Variants in SHANK2 observed in about 807,000 individuals in gnomAD.
SHANK2 encodes the protein SH3 and multiple ankyrin repeat domains protein 2.
SHANK2 carries 43 observed loss-of-function variants against 133.7 expected under a neutral mutation model. The observed-to-expected ratio is 0.32, with a 90% CI of 0.25 to 0.41. SHANK2 has a LOEUF of 0.41. Ranked by LOEUF, SHANK2 falls within the 10% of genes least tolerant of loss-of-function variation. The pLI, the probability that SHANK2 is intolerant of heterozygous loss-of-function variation, is 1.00. For synonymous variants in SHANK2, 1,017 were observed against 952.8 expected, an observed-to-expected ratio of 1.07 and a Z score of -1.24; for missense variants, 1,994 against 2,235.8, an observed-to-expected ratio of 0.89 and a Z score of 2.18.
rs2058627712 is a variant in SHANK2 at position 70,473,754 on chromosome 11, G to C, written c.4980-315C>G. On this transcript the variant is annotated intron_variant, in intron 25 of 25. Transcript: ENST00000601538. This position sits in a 1 kb window ranked among gnomAD's most constrained non-coding sequence, Gnocchi z 5.9. ...CACTCACCTGAACTGGGACAGAGGG[G>C]CTGGGGGACCTGCCTGTGCTGGGGG... is the stretch of plus-strand genomic sequence containing the variant. 3 of 436,052 alleles carry C rather than the reference G, an allele frequency of 6.9e-6. No homozygotes were observed. The highest frequency in any genetic ancestry group is 4.2e-5 in the South Asian group (2 of 47,192). 27.0% of individuals were successfully genotyped at this position (436,052 alleles called of 1,614,324 possible).
intron 17 of SHANK2, among the ~76,000 whole-genome samples, chr11:70,583,669 G>A (rs2060212113): frequency 6.6e-6 from 1 of 152,164 alleles, no homozygotes; most frequent in Non-Finnish European, 1.5e-5. Context: ...AGTGGCTCAG[G>A]ATAAAATCTG....
At chr11:70,944,037 T>A in intron 10 of SHANK2, 1 of 450,930 alleles carries the variant, frequency 2.2e-6, no homozygotes, top group Admixed American at 2.4e-5. Context: ...GGTTCCTGTG[T>A]TTATGCTATT....
chr11:71,209,396 G>A (rs58035218), intron 2 of SHANK2, among the ~76,000 whole-genome samples: 34,842 of 152,172 alleles, frequency 0.23, 4,575 homozygotes, highest in East Asian at 0.42. Flanking sequence ...GGCTGACCCA[G>A]GAGGGAGCTT....
chr11:70,528,655 G>T (rs2059429299), intron 17 of SHANK2, among the ~76,000 whole-genome samples: 1 of 152,080 alleles, frequency 6.6e-6, no homozygotes, highest in South Asian at 2.1e-4. Flanking sequence ...GCAGAAGGGG[G>T]TCTCTCCTGG....
intron 9 of SHANK2, among the ~76,000 whole-genome samples, chr11:71,069,431 C>G (rs1951113676): frequency 6.6e-6 from 1 of 152,048 alleles, no homozygotes; most frequent in Non-Finnish European, 1.5e-5. Context: ...CCTTCATCAT[C>G]ACCACCATCA....
chr11:71,085,274 T>C (rs1303942230), intron 8 of SHANK2, among the ~76,000 whole-genome samples: 1 of 151,396 alleles, frequency 6.6e-6, no homozygotes, highest in Non-Finnish European at 1.5e-5. Flanking sequence ...CTAGCCAACA[T>C]GTTGAAACCC....
In SHANK2 at chr11:70,711,425, C is replaced by T. The variant is rs1555026092; in HGVS notation, c.1778-12662G>A. On this transcript the variant is annotated intron_variant, in intron 14 of 25. Coordinates refer to ENST00000601538, the MANE Select transcript of SHANK2 (RefSeq NM_012309.5). Reference sequence around the variant, plus strand: ...TGCTGAGCCAAAAGCGGGATCAGAACCACAAGGAGGAAGAAATTACTGATG... The same window carrying T: ...TGCTGAGCCAAAAGCGGGATCAGAATCACAAGGAGGAAGAAATTACTGATG... 1.3e-5 allele frequency among the ~76,000 whole-genome samples: 2 copies of T among 152,232 alleles called. 1 individual carries two copies. The highest frequency in any genetic ancestry group is 2.9e-5 in the Non-Finnish European group (2 of 68,046).
intron 3 of SHANK2, among the ~76,000 whole-genome samples, chr11:71,134,054 CT>C (rs1952387908): frequency 6.6e-6 from 1 of 151,428 alleles, no homozygotes; most frequent in Non-Finnish European, 1.5e-5. Context: ...GATAAAAGAG[CT>C]TTTACCTTTC....
chr11:70,670,329 G>A (rs371341317), intron 15 of SHANK2, among the ~76,000 whole-genome samples: 1 of 152,216 alleles, frequency 6.6e-6, no homozygotes, highest in African/African-American at 2.4e-5. Flanking sequence ...AGAAATTTCC[G>A]GGCTCTGCCA....
chr11:70,770,449 C>T (rs1441088668), intron 14 of SHANK2, among the ~76,000 whole-genome samples: 2 of 152,238 alleles, frequency 1.3e-5, no homozygotes, highest in Non-Finnish European at 2.9e-5. Context: ...TGTGTTAACA[C>T]TGAGGCCCCC....
chr11:70,901,481 G>A (rs1335295569), intron 10 of SHANK2, among the ~76,000 whole-genome samples: 3 of 152,170 alleles, frequency 2.0e-5, no homozygotes, highest in Non-Finnish European at 2.9e-5. Context: ...GAGCCCTAGA[G>A]GCCTGGAGGG....
At chr11:70,950,414 C>T (rs936757405) in intron 10 of SHANK2, among the ~76,000 whole-genome samples, 14 of 152,290 alleles carry the variant, frequency 9.2e-5, no homozygotes, top group African/African-American at 3.4e-4. Flanking sequence ...TGGTCTCGAA[C>T]TCCTGACCTC....
At chr11:70,583,436 T>G (rs1591610199) in intron 17 of SHANK2, among the ~76,000 whole-genome samples, 1 of 151,670 alleles carries the variant, frequency 6.6e-6, no homozygotes, top group Non-Finnish European at 1.5e-5. Context: ...GCAGAGGGAG[T>G]CCAGTCCTGC....
chr11:71,104,060 G>A (rs1480712128), intron 6 of SHANK2, among the ~76,000 whole-genome samples: 1 of 151,880 alleles, frequency 6.6e-6, no homozygotes, highest in Non-Finnish European at 1.5e-5. Flanking sequence ...GCAGAACCTA[G>A]AGCCAATTAA....
intron 8 of SHANK2, among the ~76,000 whole-genome samples, chr11:71,083,494 C>G (rs1951328754): frequency 6.6e-6 from 1 of 152,174 alleles, no homozygotes; most frequent in African/African-American, 2.4e-5. Flanking sequence ...GGGGCACTTG[C>G]TCAGGTGAGC....
intron 17 of SHANK2, among the ~76,000 whole-genome samples, chr11:70,506,852 G>T (rs1554968498): frequency 6.6e-6 from 1 of 152,176 alleles, no homozygotes; most frequent in Non-Finnish European, 1.5e-5. Context: ...TAAACAGCAT[G>T]GCTTCCTGCC....
intron 17 of SHANK2, among the ~76,000 whole-genome samples, chr11:70,627,142 T>C (rs1283195495): frequency 1.3e-5 from 2 of 152,196 alleles, no homozygotes; most frequent in African/African-American, 4.8e-5. Context: ...TTTTGAGGTT[T>C]GTGATATTAG....
intron 11 of SHANK2, among the ~76,000 whole-genome samples, chr11:70,842,965 C>A (rs782351862): frequency 6.6e-6 from 1 of 152,120 alleles, no homozygotes; most frequent in African/African-American, 2.4e-5. Context: ...ACTACCCTGA[C>A]GCAGTGTCAT....
chr11:71,097,398 A>G, intron 6 of SHANK2, among the ~76,000 whole-genome samples: 1 of 152,152 alleles, frequency 6.6e-6, no homozygotes, highest in East Asian at 1.9e-4. Context: ...TGAGCATGGG[A>G]ACCACACAGT....
Sources: gnomAD v4.1 joint callset for allele counts (sites outside exome capture counted in the v4.1 genomes callset) on GRCh38, gnomAD v4.1.1 for gene constraint, Gnocchi (gnomAD v3.1) non-coding constraint, MANE v1.5 for transcripts, NCBI Gene and HGNC (gene_info 2026-07-23, HGNC 2026-07-21) for gene names.